CDH13: variants seen among roughly 807,000 people sequenced by gnomAD.
CDH13 encodes the protein cadherin-13.
A neutral mutation model predicts 63.8 loss-of-function variants in CDH13; 24 were observed. The ratio of observed to expected loss-of-function variants is 0.38; its 90% CI spans 0.27 to 0.53. The LOEUF (loss-of-function observed/expected upper bound fraction) is 0.53, where lower values mean the gene tolerates loss of function less well. CDH13 is among the 20% of genes least tolerant of loss of function. The pLI, the probability that CDH13 is intolerant of heterozygous loss-of-function variation, is 0.85. For missense variants in CDH13, 1,049 were observed against 903.1 expected, an observed-to-expected ratio of 1.16 and a Z score of -2.07; for synonymous variants, 503 against 355.3, an observed-to-expected ratio of 1.42 and a Z score of -4.67.
intron 7 of CDH13, among the ~76,000 whole-genome samples, chr16:83,529,126 A>C (rs1293793559): frequency 1.4e-5 from 2 of 146,392 alleles, no homozygotes; most frequent in African/African-American, 5.1e-5. Context: ...TTGTAGATCT[A>C]GGCGAGCTTG....
chr16:82,799,954 C>T (rs2036771929), intron 1 of CDH13, among the ~76,000 whole-genome samples: 1 of 152,168 alleles, frequency 6.6e-6, no homozygotes, highest in African/African-American at 2.4e-5. Flanking sequence ...ACTGCGTTAT[C>T]ATGATAAGCT....
At chr16:82,973,299 C>T (rs1341301449) in intron 2 of CDH13, among the ~76,000 whole-genome samples, 3 of 152,206 alleles carry the variant, frequency 2.0e-5, no homozygotes, top group African/African-American at 7.2e-5. Context: ...CCGTCCTTCT[C>T]CTTTGCTCAC....
At chr16:83,624,784 C>A (rs1181150294) in intron 8 of CDH13, among the ~76,000 whole-genome samples, 1 of 152,114 alleles carries the variant, frequency 6.6e-6, no homozygotes, top group Non-Finnish European at 1.5e-5. Flanking sequence ...AACGTGACCT[C>A]AAGGAGCAGG....
intron 6 of CDH13, among the ~76,000 whole-genome samples, chr16:83,400,618 C>G (rs780571247): frequency 3.3e-5 from 5 of 152,220 alleles, no homozygotes; most frequent in Admixed American, 1.3e-4. Context: ...CAACCTAATA[C>G]AAACCATCCC....
At chr16:82,871,923 A>G (rs1017817156) in intron 2 of CDH13, among the ~76,000 whole-genome samples, 1 of 152,182 alleles carries the variant, frequency 6.6e-6, no homozygotes, top group Non-Finnish European at 1.5e-5. Flanking sequence ...CCAGTGTTCC[A>G]GCAAATATCT....
chr16:82,827,125 T>C (rs755987636), intron 1 of CDH13, among the ~76,000 whole-genome samples: 7 of 152,208 alleles, frequency 4.6e-5, no homozygotes, highest in Non-Finnish European at 1.0e-4. Flanking sequence ...GTTCTGCTAG[T>C]GCTAATTATT....
chr16:83,360,247 C>T (rs1597829422), intron 6 of CDH13, among the ~76,000 whole-genome samples: 2 of 152,192 alleles, frequency 1.3e-5, no homozygotes, highest in African/African-American at 2.4e-5. Context: ...TATGCAAATT[C>T]TGAATTATCT....
At chr16:83,609,380 T>G (rs1908654026) in intron 8 of CDH13, among the ~76,000 whole-genome samples, 1 of 142,682 alleles carries the variant, frequency 7.0e-6, no homozygotes, top group African/African-American at 2.7e-5. Context: ...GTGTAAAAAC[T>G]AATCTTTAAA....
intron 8 of CDH13, among the ~76,000 whole-genome samples, chr16:83,666,785 T>C (rs1913992661): frequency 6.6e-6 from 1 of 152,116 alleles, no homozygotes; most frequent in Non-Finnish European, 1.5e-5. Context: ...TCCCTGATGA[T>C]CCTCTCCAGA....
intron 2 of CDH13, among the ~76,000 whole-genome samples, chr16:82,918,506 CTTTTTT>C (rs34099579): frequency 2.5e-5 from 3 of 119,726 alleles, no homozygotes; most frequent in South Asian, 2.7e-4. Context: ...TACACTTTCA[CTTTTTT>C]TTTTTTTTTT....
chr16:83,792,889 T>A (rs954454576), intron 13 of CDH13, among the ~76,000 whole-genome samples: 1 of 152,192 alleles, frequency 6.6e-6, no homozygotes, highest in East Asian at 1.9e-4. Context: ...AGTGTAATCA[T>A]TGTAAAAATG....
chr16:83,706,949 A>G (rs1375832029), intron 10 of CDH13, among the ~76,000 whole-genome samples: 1 of 152,130 alleles, frequency 6.6e-6, no homozygotes, highest in African/African-American at 2.4e-5. Flanking sequence ...CCTTCACTAT[A>G]GGAGAGAGAG....
chr16:83,345,543 G>A (rs1244107026), intron 6 of CDH13, among the ~76,000 whole-genome samples: 1 of 152,192 alleles, frequency 6.6e-6, no homozygotes, highest in Non-Finnish European at 1.5e-5. Flanking sequence ...GTAAATGCAT[G>A]TGCCTACTGT....
At chr16:82,835,138 G>T (rs1025166512) in intron 1 of CDH13, among the ~76,000 whole-genome samples, 9 of 152,178 alleles carry the variant, frequency 5.9e-5, no homozygotes, top group African/African-American at 2.2e-4. Flanking sequence ...TAGAAATTGC[G>T]AATGAAATAT....
intron 2 of CDH13, among the ~76,000 whole-genome samples, chr16:82,998,190 T>A (rs1668195390): frequency 6.6e-6 from 1 of 152,318 alleles, no homozygotes; most frequent in South Asian, 2.1e-4. Context: ...CTTCCTAAGA[T>A]CCTCACTTTG....
intron 4 of CDH13, among the ~76,000 whole-genome samples, chr16:83,131,532 A>C (rs1023065723): frequency 6.6e-6 from 1 of 152,160 alleles, no homozygotes; most frequent in Non-Finnish European, 1.5e-5. Flanking sequence ...AGTTTTACCA[A>C]CTTTCACTGA....
At chr16:82,782,731 C>A (rs949671953) in intron 1 of CDH13, among the ~76,000 whole-genome samples, 1 of 152,130 alleles carries the variant, frequency 6.6e-6, no homozygotes, top group African/African-American at 2.4e-5. Context: ...AGCAGCTTCA[C>A]GACCAAGCAC....
At chr16:82,629,374 G>C (rs1378320054) in intron 1 of CDH13, among the ~76,000 whole-genome samples, 1 of 152,208 alleles carries the variant, frequency 6.6e-6, no homozygotes, top group Non-Finnish European at 1.5e-5. Context: ...GATAGTAATT[G>C]ATATCCTGGT....
At chr16:83,684,764 G>C (rs1904287973) in intron 10 of CDH13, among the ~76,000 whole-genome samples, 1 of 152,200 alleles carries the variant, frequency 6.6e-6, no homozygotes, top group South Asian at 2.1e-4. Context: ...TTTGGAAAGG[G>C]TCATTCATCC....
Sources: allele counts gnomAD v4.1 joint callset (sites outside exome capture counted in the v4.1 genomes callset), GRCh38; gene constraint gnomAD v4.1.1; transcripts MANE v1.5; gene names NCBI Gene and HGNC (gene_info 2026-07-23, HGNC 2026-07-21).